Variants in ARHGEF38 observed in about 807,000 individuals in gnomAD.
The protein encoded by ARHGEF38 is Rho guanine nucleotide exchange factor 38, also known as Rho guanine nucleotide exchange factor (GEF) 38.
ARHGEF38 carries 79 observed loss-of-function variants against 79.9 expected under a neutral mutation model. The ratio of observed to expected loss-of-function variants is 0.99; its 90% CI spans 0.82 to 1.19. The LOEUF (loss-of-function observed/expected upper bound fraction) is 1.19, where lower values mean the gene tolerates loss of function less well. Among genes scored for constraint, ARHGEF38 ranks in the 50% most tolerant of loss-of-function variants. The pLI is 0.00. For synonymous variants in ARHGEF38, 366 were observed against 328.3 expected (o/e 1.11, Z -1.24); for missense variants, 962 against 907.2 (o/e 1.06, Z -0.78).
intron 2 of ARHGEF38, among the ~76,000 whole-genome samples, chr4:105,598,054 C>A (rs1727660752): frequency 6.6e-6 from 1 of 151,858 alleles, no homozygotes; most frequent in African/African-American, 2.4e-5. Context: ...GTAGAGACTA[C>A]GTTTAAGAAT....
intron 1 of ARHGEF38, among the ~76,000 whole-genome samples, chr4:105,584,284 T>C (rs890284327): frequency 1.9e-4 from 29 of 152,194 alleles, no homozygotes; most frequent in Admixed American, 6.5e-5. Flanking sequence ...TTGAGAAGCC[T>C]ATACACTACA....
intron 13 of ARHGEF38, among the ~76,000 whole-genome samples, chr4:105,671,507 A>C (rs1313952418): frequency 1.3e-5 from 2 of 152,222 alleles, no homozygotes; most frequent in Non-Finnish European, 2.9e-5. Flanking sequence ...TTGAAAACAG[A>C]GAGAAAGGAG....
At chr4:105,605,894 C>T (rs1728016647) in intron 2 of ARHGEF38, among the ~76,000 whole-genome samples, 1 of 152,136 alleles carries the variant, frequency 6.6e-6, no homozygotes, top group African/African-American at 2.4e-5. Flanking sequence ...ACTTTATCCT[C>T]TCAGAATGTC....
intron 3 of ARHGEF38, among the ~76,000 whole-genome samples, chr4:105,622,036 A>T (rs371087246): frequency 1.3e-5 from 2 of 152,336 alleles, no homozygotes; most frequent in South Asian, 4.1e-4. Context: ...ACCAGGCTGT[A>T]ACATGGGGGT....
intron 1 of ARHGEF38, among the ~76,000 whole-genome samples, chr4:105,566,607 A>AT (rs1005280924): frequency 6.6e-6 from 1 of 152,152 alleles, no homozygotes; most frequent in Non-Finnish European, 1.5e-5. Flanking sequence ...GTACAATTAA[A>AT]TTATTTTTTT....
chr4:105,596,716 A>G (rs762641692), intron 2 of ARHGEF38, among the ~76,000 whole-genome samples: 41 of 152,254 alleles, frequency 2.7e-4, no homozygotes, highest in Non-Finnish European at 4.7e-4. Flanking sequence ...GCCGTCCTAT[A>G]CAACAGGAAC....
At chr4:105,676,863 G>A (rs1264033508) in intron 13 of ARHGEF38, among the ~76,000 whole-genome samples, 1 of 151,876 alleles carries the variant, frequency 6.6e-6, no homozygotes, top group South Asian at 2.1e-4. Flanking sequence ...GACTTATATC[G>A]TACATCTAAT....
intron 10 of ARHGEF38, among the ~76,000 whole-genome samples, chr4:105,664,440 A>G (rs981343948): frequency 3.3e-5 from 5 of 152,216 alleles, no homozygotes; most frequent in African/African-American, 1.2e-4. Context: ...CACTTTAGGT[A>G]TAATACATTC....
intron 12 of ARHGEF38, 50 bp downstream of exon 12, chr4:105,667,377 G>C: frequency 6.5e-7 from 1 of 1,532,556 alleles, no homozygotes; most frequent in Non-Finnish European, 8.7e-7. Flanking sequence ...AGATTTTTCT[G>C]AGGGCACATG....
chr4:105,637,736 G>A (rs7699846), intron 5 of ARHGEF38, among the ~76,000 whole-genome samples: 45,226 of 152,038 alleles, frequency 0.3, 8,690 homozygotes, highest in African/African-American at 0.54. Flanking sequence ...CAAGAAGAGA[G>A]GAGAGAGAGA....
At chr4:105,626,291 C>A (rs893384079) in intron 3 of ARHGEF38, among the ~76,000 whole-genome samples, 10 of 152,174 alleles carry the variant, frequency 6.6e-5, no homozygotes, top group African/African-American at 2.2e-4. Flanking sequence ...ATCTCTCACA[C>A]ATGTTCAATG....
chr4:105,666,608 A>G (rs1490552104), intron 11 of ARHGEF38, among the ~76,000 whole-genome samples: 1 of 152,202 alleles, frequency 6.6e-6, no homozygotes, highest in African/African-American at 2.4e-5. Flanking sequence ...AAGATTTTAT[A>G]AAGATAAATC....
chr4:105,576,180 G>A (rs568885568), intron 1 of ARHGEF38, among the ~76,000 whole-genome samples: 1 of 152,034 alleles, frequency 6.6e-6, no homozygotes, highest in African/African-American at 2.4e-5. Flanking sequence ...CTAATTCTGT[G>A]AAAAATGATT....
At chr4:105,563,030 TG>T (rs2110404955) in intron 1 of ARHGEF38, among the ~76,000 whole-genome samples, 2 of 152,194 alleles carry the variant, frequency 1.3e-5, no homozygotes, top group South Asian at 4.1e-4. Flanking sequence ...GTGGCTATCT[TG>T]GGAAAAGGCA....
rs77891557 is a variant in ARHGEF38 at position 105,626,743 on chromosome 4, C to A, written c.509-4155C>A. 8.1e-3 allele frequency among the ~76,000 whole-genome samples: 1,227 copies of A among 152,078 alleles called. 16 individuals carry two copies. The highest frequency in any genetic ancestry group is 0.029 in the African/African-American group (1,183 of 41,466). ...TTCTAAAACACAATCTGGTCAGTTA[C>A]CTAAAAATCCATCGGTGCTTCACCA... On this transcript the variant is annotated intron_variant, in intron 3 of 13. Coordinates refer to ENST00000420470, the MANE Select transcript of ARHGEF38 (RefSeq NM_001242729.2).
chr4:105,590,100 AAGGAAGGAAGGAAGGAAGGAAGGAAG>A (rs1727258570), intron 2 of ARHGEF38, among the ~76,000 whole-genome samples: 5 of 143,752 alleles, frequency 3.5e-5, no homozygotes, highest in African/African-American at 1.4e-4. Context: ...GGAAGGAAGG[AAGGAAGGAAGGAAGGAAGGAAGGAAG>A]GAAAGAAAGA....
rs1179177800 is a variant in ARHGEF38 at position 105,666,233 on chromosome 4, C to T, written c.1602C>T (p.Ile534=). The change falls in exon 11 of 14, where the codon ATC becomes ATT. Residue 534 remains isoleucine (I), a synonymous_variant. Coordinates refer to ENST00000420470, the MANE Select transcript of ARHGEF38 (RefSeq NM_001242729.2). ...TTCAGAATCAAGTACTAGAAGAGAT[C>T]CAAAATTTGAATTGTGTGAAAGAAA... ...SEIQNQVLEE[I]QNLNCVKENS... 18 of 1,535,052 alleles carry T rather than the reference C, an allele frequency of 1.2e-5. No individual in the cohort carries two copies. The highest frequency in any genetic ancestry group is 1.6e-5 in the Non-Finnish European group (18 of 1,146,482).
intron 11 of ARHGEF38, 55 bp from the exon 12 acceptor site, chr4:105,667,074 A>G (rs1730777496): frequency 2.9e-6 from 4 of 1,380,248 alleles, no homozygotes; most frequent in Non-Finnish European, 2.9e-6. Context: ...TACCAACTCC[A>G]TGAGGATTTT....
chr4:105,604,206 A>G (rs1727944741), intron 2 of ARHGEF38, among the ~76,000 whole-genome samples: 1 of 152,172 alleles, frequency 6.6e-6, no homozygotes, highest in Non-Finnish European at 1.5e-5. Flanking sequence ...TGGAAATTTA[A>G]ACAGTAATGC....
Sources: gnomAD v4.1 joint callset for allele counts (sites outside exome capture counted in the v4.1 genomes callset) on GRCh38, gnomAD v4.1.1 for gene constraint, MANE v1.5 for transcripts, NCBI Gene and HGNC (gene_info 2026-07-23, HGNC 2026-07-21) for gene names.